NCAM2: variants seen among roughly 807,000 people sequenced by gnomAD.
NCAM2 encodes the protein neural cell adhesion molecule 2.
NCAM2 carries 30 observed loss-of-function variants against 98.1 expected under a neutral mutation model. That is an observed-to-expected ratio of 0.31 (90% CI 0.23 to 0.41). The LOEUF (loss-of-function observed/expected upper bound fraction) is 0.41, where lower values mean the gene tolerates loss of function less well. Ranked by LOEUF, NCAM2 falls within the 10% of genes least tolerant of loss-of-function variation. The pLI is 1.00. For synonymous variants in NCAM2, 368 were observed against 342.4 expected, an observed-to-expected ratio of 1.07 and a Z score of -0.83; for missense variants, 867 against 1,005.8, an observed-to-expected ratio of 0.86 and a Z score of 1.87.
At chr21:21,130,820 G>A (rs1358808402) in intron 1 of NCAM2, among the ~76,000 whole-genome samples, 2 of 151,878 alleles carry the variant, frequency 1.3e-5, no homozygotes, top group Non-Finnish European at 1.5e-5. Flanking sequence ...ATTTAAAATG[G>A]CAAAACATAT....
intron 10 of NCAM2, among the ~76,000 whole-genome samples, chr21:21,411,005 TAAAA>T (rs1337739635): frequency 4.1e-5 from 4 of 98,612 alleles, no homozygotes; most frequent in African/African-American, 1.3e-4. Flanking sequence ...GACTCCGTCT[TAAAA>T]AAAAAAATAT....
At chr21:21,069,918 C>A (rs1234284503) in intron 1 of NCAM2, among the ~76,000 whole-genome samples, 4 of 152,106 alleles carry the variant, frequency 2.6e-5, no homozygotes, top group Non-Finnish European at 4.4e-5. Flanking sequence ...GTGTCCTGTA[C>A]TTTTCTTATC....
At chr21:21,452,587 G>A (rs1419064445) in intron 12 of NCAM2, among the ~76,000 whole-genome samples, 1 of 78,866 alleles carries the variant, frequency 1.3e-5, no homozygotes, top group Admixed American at 1.8e-4. Context: ...TATATATATT[G>A]TATTGTGCAT....
chr21:21,035,421 A>T lies in NCAM2; in HGVS notation c.55+36803A>T, dbSNP rs547454764. Among the ~76,000 whole-genome samples the T allele has an allele frequency of 5.3e-5, 8 of 152,342 alleles. No homozygotes were observed. The South Asian group carries it at 1.2e-3, about 24-fold the overall frequency. ...ATGTTTCAATTTTGCTCTCAAAAAC[A>T]TACTTTACCCAATTGCTATAAACTA... On this transcript the variant is annotated intron_variant, in intron 1 of 17. Coordinates refer to ENST00000400546, the MANE Select transcript of NCAM2 (RefSeq NM_004540.5).
intron 8 of NCAM2, among the ~76,000 whole-genome samples, chr21:21,354,014 G>A (rs1377369578): frequency 1.3e-5 from 2 of 152,034 alleles, no homozygotes; most frequent in African/African-American, 2.4e-5. Flanking sequence ...AAGTTCTACC[G>A]AGGGAGTGAT....
At chr21:21,217,793 G>A (rs2069966264) in intron 1 of NCAM2, among the ~76,000 whole-genome samples, 1 of 152,110 alleles carries the variant, frequency 6.6e-6, no homozygotes, top group African/African-American at 2.4e-5. Flanking sequence ...ATGCAGAAGG[G>A]GAGGGTGGAG....
intron 9 of NCAM2, among the ~76,000 whole-genome samples, chr21:21,391,719 G>A (rs2076384490): frequency 6.6e-6 from 1 of 152,138 alleles, no homozygotes; most frequent in African/African-American, 2.4e-5. Flanking sequence ...GGCTTAATCA[G>A]AGCAAATCTC....
chr21:21,269,110 T>C (rs1463259581), intron 1 of NCAM2, among the ~76,000 whole-genome samples: 1 of 152,154 alleles, frequency 6.6e-6, no homozygotes, highest in East Asian at 1.9e-4. Flanking sequence ...TTATTTGCCA[T>C]TTAAAAATTT....
intron 1 of NCAM2, among the ~76,000 whole-genome samples, chr21:21,242,389 A>G (rs1218802377): frequency 6.6e-6 from 1 of 152,188 alleles, no homozygotes; most frequent in Admixed American, 6.5e-5. Flanking sequence ...TATGCAATGC[A>G]TTCTTATTTA....
intron 1 of NCAM2, among the ~76,000 whole-genome samples, chr21:21,013,050 AAATTAGGCCAATAAATT>A (rs1345777607): frequency 1.3e-5 from 2 of 152,158 alleles, no homozygotes; most frequent in African/African-American, 4.8e-5. Flanking sequence ...AACAATATTG[AAATTAGGCCAATAAATT>A]AACCCTACAA....
chr21:21,320,604 A>G (rs1441809674), intron 5 of NCAM2, among the ~76,000 whole-genome samples: 5 of 152,118 alleles, frequency 3.3e-5, no homozygotes, highest in East Asian at 1.9e-4. Context: ...AAGAAAACAG[A>G]TGGATTTCAT....
intron 1 of NCAM2, among the ~76,000 whole-genome samples, chr21:21,209,247 G>T (rs1601651308): frequency 6.6e-6 from 1 of 152,000 alleles, no homozygotes; most frequent in East Asian, 1.9e-4. Flanking sequence ...GATTGGTCTT[G>T]CTGTGTCACC....
intron 12 of NCAM2, among the ~76,000 whole-genome samples, chr21:21,462,854 T>A (rs577362107): frequency 6.6e-6 from 1 of 152,228 alleles, no homozygotes; most frequent in East Asian, 1.9e-4. Context: ...GTGTTAAGAT[T>A]TGTAAATCGT....
intron 1 of NCAM2, among the ~76,000 whole-genome samples, chr21:21,080,677 A>AC (rs2065778584): frequency 7.5e-6 from 1 of 133,992 alleles, no homozygotes. Context: ...AAAAAAAAAA[A>AC]AAACCAACAT....
At chr21:21,424,975 G>A (rs746388125) in intron 11 of NCAM2, among the ~76,000 whole-genome samples, 3 of 140,668 alleles carry the variant, frequency 2.1e-5, no homozygotes, top group Non-Finnish European at 3.0e-5. Context: ...GGCGGAAGTT[G>A]CAGTGAGCTG....
At chr21:21,468,812 G>C in intron 14 of NCAM2, 29 bp downstream of exon 14, 1 of 1,581,626 alleles carries the variant, frequency 6.3e-7, no homozygotes. Flanking sequence ...GTCATATCAT[G>C]CTAGGTTTTT....
At chr21:21,122,548 G>C (rs1207209181) in intron 1 of NCAM2, among the ~76,000 whole-genome samples, 2 of 152,168 alleles carry the variant, frequency 1.3e-5, no homozygotes, top group Admixed American at 6.5e-5. Context: ...TTGGCGGGGT[G>C]ATTTCTTTTC....
intron 1 of NCAM2, among the ~76,000 whole-genome samples, chr21:21,155,392 T>A (rs962015564): frequency 6.6e-6 from 1 of 151,786 alleles, no homozygotes; most frequent in Non-Finnish European, 1.5e-5. Flanking sequence ...AATGTTAAAA[T>A]TATTTATATA....
intron 1 of NCAM2, among the ~76,000 whole-genome samples, chr21:21,175,566 G>A (rs2068259445): frequency 6.6e-6 from 1 of 151,950 alleles, no homozygotes; most frequent in Non-Finnish European, 1.5e-5. Flanking sequence ...TAATAAAACA[G>A]GGTGGTAACA....
Sources: gnomAD v4.1 joint callset for allele counts (sites outside exome capture counted in the v4.1 genomes callset) on GRCh38, gnomAD v4.1.1 for gene constraint, MANE v1.5 for transcripts, NCBI Gene and HGNC (gene_info 2026-07-23, HGNC 2026-07-21) for gene names.